EVA1C: variants seen among roughly 807,000 people sequenced by gnomAD.
EVA1C encodes eva-1 homolog C.
EVA1C carries 25 observed loss-of-function variants against 45.4 expected under a neutral mutation model. That is an observed-to-expected ratio of 0.55 (90% confidence interval 0.40 to 0.77). The LOEUF (loss-of-function observed/expected upper bound fraction) is 0.77, where lower values mean the gene tolerates loss of function less well. Ranked by LOEUF, EVA1C falls within the 30% of genes least tolerant of loss-of-function variation. EVA1C has a pLI of 0.00. For missense variants in EVA1C, 479 were observed against 554.8 expected, an observed-to-expected ratio of 0.86 and a Z score of 1.37; for synonymous variants, 190 against 221.2, an observed-to-expected ratio of 0.86 and a Z score of 1.25.
intron 3 of EVA1C, among the ~76,000 whole-genome samples, chr21:32,463,298 A>T (rs1024192502): frequency 6.6e-6 from 1 of 152,202 alleles, no homozygotes; most frequent in Non-Finnish European, 1.5e-5. Flanking sequence ...CTAAACTCCC[A>T]GGAGAGTTGG....
At chr21:32,457,082 G>T (rs1423303191) in intron 2 of EVA1C, among the ~76,000 whole-genome samples, 2 of 152,200 alleles carry the variant, frequency 1.3e-5, no homozygotes, top group African/African-American at 4.8e-5. Flanking sequence ...CCTGTGGATG[G>T]TTCGTAAGCT....
intron 1 of EVA1C, among the ~76,000 whole-genome samples, chr21:32,434,060 C>T (rs78894895): frequency 2.6e-5 from 4 of 151,838 alleles, no homozygotes; most frequent in Non-Finnish European, 5.9e-5. Context: ...TTTGGGAGGC[C>T]GAGGTGGGTG....
At chr21:32,450,509 C>T (rs1310902553) in intron 1 of EVA1C, among the ~76,000 whole-genome samples, 2 of 24 alleles carry the variant, frequency 0.083, no homozygotes, top group South Asian at 0.5. Context: ...CCCCGGACCA[C>T]AGTCCGGGAA....
intron 4 of EVA1C, among the ~76,000 whole-genome samples, chr21:32,482,760 C>T (rs1289153381): frequency 1.3e-5 from 2 of 152,194 alleles, no homozygotes; most frequent in Non-Finnish European, 2.9e-5. Flanking sequence ...CTCCATTCAG[C>T]AGCCCTGTTC....
chr21:32,420,195 A>AC (rs35391445), intron 1 of EVA1C, among the ~76,000 whole-genome samples: 152,293 of 152,304 alleles, frequency 1, 76,141 homozygotes, highest in Middle Eastern at 1. Context: ...ATAGGGTGAA[A>AC]CCTGTCTCTA....
chr21:32,464,080 G>A (rs553172640), intron 3 of EVA1C, among the ~76,000 whole-genome samples: 3 of 152,290 alleles, frequency 2.0e-5, no homozygotes, highest in South Asian at 2.1e-4. Context: ...ATGCCAGTGC[G>A]GATATGACTC....
intron 1 of EVA1C, among the ~76,000 whole-genome samples, chr21:32,435,858 A>G (rs779461216): frequency 1.3e-4 from 20 of 152,260 alleles, no homozygotes; most frequent in Non-Finnish European, 2.1e-4. Flanking sequence ...AAGTAAAGAA[A>G]AATTCACATT....
Position 32,470,722 on chromosome 21 carries a change from G to A in EVA1C, c.634+2874G>A, listed in dbSNP as rs549155137. 2.6e-5 allele frequency among the ~76,000 whole-genome samples: 4 copies of A among 151,680 alleles called. No individual in the cohort carries two copies. In the South Asian group the frequency reaches 6.3e-4, roughly 24 times the overall value. ...TCCCAGGCTTGCCTTTCTCCCCACA[G>A]TGGCCTCAGCTATCTTTCTTTCTTT... On this transcript the variant is annotated intron_variant, in intron 4 of 7. Coordinates refer to ENST00000300255, the MANE Select transcript of EVA1C (RefSeq NM_058187.5).
At chr21:32,502,393 C>T (rs1031276282) in intron 6 of EVA1C, among the ~76,000 whole-genome samples, 13 of 152,116 alleles carry the variant, frequency 8.5e-5, no homozygotes, top group African/African-American at 3.1e-4. Context: ...ACCACCGCAC[C>T]CGGCCCCTCC....
intron 3 of EVA1C, among the ~76,000 whole-genome samples, chr21:32,466,376 G>A (rs2036173803): frequency 1.4e-5 from 2 of 147,550 alleles, no homozygotes; most frequent in Admixed American, 1.4e-4. Context: ...CAGAGATCGT[G>A]CCACTGCACT....
rs1309673426 is a variant in EVA1C at position 32,467,819 on chromosome 21, C to T, written c.605C>T (p.Ser202Phe). 1.2e-6 allele frequency: 2 copies of T among 1,611,774 alleles called. No homozygotes were observed. The highest frequency in any genetic ancestry group is 1.7e-5 in the Admixed American group (1 of 59,666). The change falls in exon 4 of 8, where the codon TCC becomes TTC. Residue 202 changes from serine (S) to phenylalanine (F), a missense_variant. Transcript: ENST00000300255. ...AGGACCCAGGAAAGGGACATCTGCT[C>T]CTCCAAGGCAGAGCGGCTCCCCCCT... ...GRRTQERDIC[S>F]SKAERLPPFD...
intron 7 of EVA1C, among the ~76,000 whole-genome samples, chr21:32,505,296 G>A (rs895669883): frequency 4.6e-5 from 7 of 151,990 alleles, no homozygotes; most frequent in Admixed American, 3.9e-4. Context: ...TTCTTCTGTG[G>A]GTCCTCTCTT....
At chr21:32,467,287 C>A (rs1568915420) in intron 3 of EVA1C, among the ~76,000 whole-genome samples, 2 of 152,192 alleles carry the variant, frequency 1.3e-5, no homozygotes, top group South Asian at 2.1e-4. Context: ...CAAGTAATTT[C>A]TGGTCTGTCT....
chr21:32,473,976 T>C (rs2036470838), intron 4 of EVA1C: 1 of 984,864 alleles, frequency 1.0e-6, no homozygotes, highest in African/African-American at 1.7e-5. Context: ...TGGCCGTGAA[T>C]GCAGTGAAGT....
chr21:32,483,285 C>T (rs1197378896), intron 4 of EVA1C, among the ~76,000 whole-genome samples: 2 of 152,144 alleles, frequency 1.3e-5, no homozygotes, highest in African/African-American at 4.8e-5. Context: ...GCCTGTCTGG[C>T]GCCCGAATGT....
chr21:32,495,248 A>T lies in EVA1C; in HGVS notation c.778+78A>T, dbSNP rs1019112984. ...GGGTGGTGACCATGTGAACGGCAGG[A>T]GTTTGCCCAGAACAAGCCAAACACT... On this transcript the variant is annotated intron_variant, in intron 5 of 7. Coordinates refer to ENST00000300255, the MANE Select transcript of EVA1C (RefSeq NM_058187.5). 8 of 1,516,814 alleles carry T rather than the reference A, an allele frequency of 5.3e-6. No individual in the cohort carries two copies. The East Asian group carries it at 1.8e-4, about 34-fold the overall frequency. 94.0% of individuals were successfully genotyped at this position (1,516,814 alleles called of 1,614,324 possible).
rs1385442349 is a variant in EVA1C, at chr21:32,474,925, C to T, written c.634+7077C>T. Among the ~76,000 whole-genome samples the T allele has an allele frequency of 6.6e-6, 1 of 152,250 alleles. No homozygotes were observed. The highest frequency in any genetic ancestry group is 2.4e-5 in the African/African-American group (1 of 41,470). ...CAGGGCGCACCTGGGCCACAGGCTG[C>T]CAGTGCATGTGTGATCTCTGCTCTG... is the stretch of plus-strand genomic sequence containing the variant. On this transcript the variant is annotated intron_variant, in intron 4 of 7. Coordinates refer to ENST00000300255, the MANE Select transcript of EVA1C (RefSeq NM_058187.5). The surrounding 1 kb of genome is among the most constrained non-coding windows in gnomAD (Gnocchi z 4.4).
At position 32,495,049 on chromosome 21, in the gene EVA1C, G is replaced by A. The variant is rs774090293; in HGVS notation, c.657G>A (p.Leu219=). 6 of 1,614,072 alleles carry A rather than the reference G, an allele frequency of 3.7e-6. No individual in the cohort carries two copies. Among genetic ancestry groups the A allele is most frequent in the South Asian group, 1.1e-5 (1 of 91,072 alleles). The change falls in exon 5 of 8, where the codon TTG becomes TTA. Residue 219 remains leucine, a synonymous_variant. Transcript: ENST00000300255. ...PPFDCLSYSA[L]QVLSRRCYGK... is the part of the protein sequence containing the mutation. Reference sequence around the variant, plus strand: ...CAGATTGCTTGTCTTACTCAGCTTTGCAAGTCCTATCCCGAAGGTGCTATG... The same window carrying A: ...CAGATTGCTTGTCTTACTCAGCTTTACAAGTCCTATCCCGAAGGTGCTATG...
At chr21:32,503,599 G>A (rs1423189580) in intron 6 of EVA1C, among the ~76,000 whole-genome samples, 1 of 136,572 alleles carries the variant, frequency 7.3e-6, no homozygotes, top group East Asian at 2.0e-4. Context: ...GCCTCTGAGG[G>A]GTGTGATGAA....
Sources: allele counts gnomAD v4.1 joint callset (sites outside exome capture counted in the v4.1 genomes callset), GRCh38; gene constraint gnomAD v4.1.1; non-coding constraint Gnocchi (gnomAD v3.1); transcripts MANE v1.5; gene names NCBI Gene and HGNC (gene_info 2026-07-23, HGNC 2026-07-21).